Variants in SHB observed in about 807,000 individuals in gnomAD.
SHB encodes the protein SH2 domain containing adaptor protein B.
Under a neutral mutation model 52.3 loss-of-function variants are expected in SHB, and 20 were observed. The ratio of observed to expected loss-of-function variants is 0.38; its 90% confidence interval spans 0.27 to 0.56. The LOEUF (loss-of-function observed/expected upper bound fraction) is 0.56. Among genes scored for constraint, SHB ranks in the 20% least tolerant of loss-of-function variants. The pLI is 0.71. For synonymous variants in SHB, 397 were observed against 316.5 expected, an observed-to-expected ratio of 1.25 and a Z score of -2.70; for missense variants, 825 against 723.3, an observed-to-expected ratio of 1.14 and a Z score of -1.61.
intron 1 of SHB, among the ~76,000 whole-genome samples, chr9:38,040,454 G>A (rs1347726666): frequency 2.6e-5 from 4 of 152,252 alleles, no homozygotes; most frequent in African/African-American, 7.2e-5. Context: ...ATGCAGTGCA[G>A]TGGAGGGACA....
chr9:37,962,490 GA>G (rs1832703015), intron 3 of SHB, among the ~76,000 whole-genome samples: 1 of 148,554 alleles, frequency 6.7e-6, no homozygotes, highest in African/African-American at 2.5e-5. Flanking sequence ...GAACAGTTTT[GA>G]AAAATGGCTT....
At chr9:37,950,232 C>T (rs1474299326) in intron 4 of SHB, among the ~76,000 whole-genome samples, 3 of 152,062 alleles carry the variant, frequency 2.0e-5, no homozygotes, top group East Asian at 1.9e-4. Context: ...CCATTGCATC[C>T]AGCCTGATTT....
Position 37,918,693 on chromosome 9 carries a change from TC to T in SHB, c.*1127del, listed in dbSNP as rs1420185616. ...CTGTGTGGCTTTGGGCAAATGACGTTCCTTCTCTGTCTCCCTTTCCCTACAT... is the reference window on the plus strand; with the variant it reads ...CTGTGTGGCTTTGGGCAAATGACGTTCTTCTCTGTCTCCCTTTCCCTACAT... On this transcript the variant is annotated 3_prime_UTR_variant, in exon 6 of 6. Coordinates refer to ENST00000377707, the MANE Select transcript of SHB (RefSeq NM_003028.3). 6.6e-6 allele frequency among the ~76,000 whole-genome samples: 1 copy of T among 152,026 alleles called. No homozygotes were observed. The highest frequency in any genetic ancestry group is 1.5e-5 in the Non-Finnish European group (1 of 67,980).
At chr9:37,957,148 G>A (rs929924154) in intron 3 of SHB, among the ~76,000 whole-genome samples, 3 of 152,186 alleles carry the variant, frequency 2.0e-5, no homozygotes, top group African/African-American at 7.2e-5. Context: ...TAAGAAACGA[G>A]GCCAGAGCCT....
chr9:38,032,633 T>C (rs1821429459), intron 1 of SHB, among the ~76,000 whole-genome samples: 1 of 152,236 alleles, frequency 6.6e-6, no homozygotes. Flanking sequence ...GGGGAAGCAG[T>C]GCTTCCGCCT....
intron 3 of SHB, among the ~76,000 whole-genome samples, chr9:37,967,705 C>T (rs1439981430): frequency 6.6e-6 from 1 of 152,244 alleles, no homozygotes; most frequent in Non-Finnish European, 1.5e-5. Flanking sequence ...CCATGCCTCA[C>T]CCCGGATCTA....
At chr9:38,054,636 G>A (rs570005198) in intron 1 of SHB, among the ~76,000 whole-genome samples, 1 of 152,322 alleles carries the variant, frequency 6.6e-6, no homozygotes, top group South Asian at 2.1e-4. Flanking sequence ...CAGTGTTATA[G>A]CCTGCAGCTT....
intron 1 of SHB, among the ~76,000 whole-genome samples, chr9:38,058,576 G>C (rs1482591218): frequency 6.6e-6 from 1 of 152,184 alleles, no homozygotes; most frequent in Non-Finnish European, 1.5e-5. Context: ...ACCCAAGTCA[G>C]ATGCGTGGCT....
intron 1 of SHB, among the ~76,000 whole-genome samples, chr9:38,045,261 C>T (rs1268634442): frequency 6.6e-6 from 1 of 152,176 alleles, no homozygotes; most frequent in Non-Finnish European, 1.5e-5. Context: ...AAGACTACAG[C>T]CACATGGGAT....
intron 4 of SHB, among the ~76,000 whole-genome samples, chr9:37,953,636 C>T (rs1393159153): frequency 2.0e-5 from 3 of 152,198 alleles, no homozygotes; most frequent in Admixed American, 6.5e-5. Flanking sequence ...TCCATGGCCA[C>T]CCCGTGTGAC....
At position 38,068,232 on chromosome 9, in the gene SHB, G is replaced by A; in HGVS notation, c.414C>T (p.Gly138=). 7.2e-7 allele frequency: 1 copy of A among 1,397,350 alleles called. No individual in the cohort carries two copies. Among genetic ancestry groups the A allele is most frequent in the Non-Finnish European group, 9.2e-7 (1 of 1,088,098 alleles). The allele number at this position is 1,397,350 out of a possible 1,614,324, so 86.6% of individuals were successfully genotyped here. Residue 138 remains glycine (G), a synonymous_variant, in exon 1 of 6, where the codon GGC becomes GGT. Coordinates refer to ENST00000377707, the MANE Select transcript of SHB (RefSeq NM_003028.3). ...FSASSASGAA[G]CCCASSGAGA... Reference sequence around the variant, plus strand: ...CCGCGCCCGAGGAGGCGCAGCAACAGCCCGCGGCGCCCGACGCGGACGAGG... The same window carrying A: ...CCGCGCCCGAGGAGGCGCAGCAACAACCCGCGGCGCCCGACGCGGACGAGG...
intron 5 of SHB, among the ~76,000 whole-genome samples, chr9:37,921,974 G>A (rs1832186051): frequency 6.6e-6 from 1 of 152,252 alleles, no homozygotes; most frequent in South Asian, 2.1e-4. Context: ...CGAGAGAGCA[G>A]GGCTGGTAAG....
At chr9:38,067,886 C>G in intron 1 of SHB, 43 bp downstream of exon 1, 1 of 1,417,266 alleles carries the variant, frequency 7.1e-7, no homozygotes, top group South Asian at 1.5e-5. Context: ...CCCGTGCGCA[C>G]CGTGGCTCTG....
At chr9:38,030,305 T>A (rs2118112359) in intron 1 of SHB, among the ~76,000 whole-genome samples, 1 of 152,290 alleles carries the variant, frequency 6.6e-6, no homozygotes, top group East Asian at 1.9e-4. Context: ...GAGCGCACAC[T>A]CTGTAGACGA....
At chr9:38,023,200 C>A (rs4878741) in intron 1 of SHB, among the ~76,000 whole-genome samples, 112,067 of 152,128 alleles carry the variant, frequency 0.74, 41,357 homozygotes, top group South Asian at 0.85. Context: ...GAAAGGATGC[C>A]GCCAGGCAGG....
At chr9:37,994,628 A>G (rs1421985936) in intron 2 of SHB, among the ~76,000 whole-genome samples, 1 of 152,246 alleles carries the variant, frequency 6.6e-6, no homozygotes, top group Non-Finnish European at 1.5e-5. Context: ...TGTTTAAAAT[A>G]AAACCAAACA....
chr9:37,996,900 G>A (rs529651404), intron 2 of SHB, among the ~76,000 whole-genome samples: 26 of 152,292 alleles, frequency 1.7e-4, no homozygotes, highest in East Asian at 1.2e-3. Flanking sequence ...CATATCTACC[G>A]GCTTATCCTG....
rs1832142498 is a variant in SHB, at chr9:37,919,150, T to C, written c.*671A>G. 6.5e-6 allele frequency: 1 copy of C among 152,698 alleles called. No individual in the cohort carries two copies. Among genetic ancestry groups the C allele is most frequent in the South Asian group, 2.1e-4 (1 of 4,834 alleles). The allele number at this position is 152,698 out of a possible 1,614,324, so 9.5% of individuals were successfully genotyped here. A position where few individuals can be genotyped will look rare whatever the true frequency, so the allele number is the denominator to read the frequency against. On this transcript the variant is annotated 3_prime_UTR_variant, in exon 6 of 6. Coordinates refer to ENST00000377707, the MANE Select transcript of SHB (RefSeq NM_003028.3). Reference sequence around the variant, plus strand: ...AAGGCTATATATTAAATGACTATTTTATTTACACACCCTATTCATAAATAA... The same window carrying C: ...AAGGCTATATATTAAATGACTATTTCATTTACACACCCTATTCATAAATAA...
Position 38,009,575 on chromosome 9 carries a change from T to C in SHB, c.838+6436A>G, listed in dbSNP as rs554196261. Among the ~76,000 whole-genome samples the C allele has an allele frequency of 6.6e-5, 10 of 152,346 alleles. No individual in the cohort carries two copies. The East Asian group carries it at 1.2e-3, about 18-fold the overall frequency. On this transcript the variant is annotated intron_variant, in intron 2 of 5. Transcript: ENST00000377707. ...CCTGTACTTCCTGCCTCCTTTCTCC[T>C]GAAACACAGAGGCCACAATTGGAAC...
Sources: gnomAD v4.1 joint callset for allele counts (sites outside exome capture counted in the v4.1 genomes callset) on GRCh38, gnomAD v4.1.1 for gene constraint, MANE v1.5 for transcripts, NCBI Gene and HGNC (gene_info 2026-07-23, HGNC 2026-07-21) for gene names.